GRIP2: variants seen among roughly 807,000 people sequenced by gnomAD.
The protein encoded by GRIP2 is glutamate receptor-interacting protein 2.
GRIP2 carries 58 observed loss-of-function variants against 108.3 expected under a neutral mutation model. The ratio of observed to expected loss-of-function variants is 0.54; its 90% CI spans 0.43 to 0.67. The LOEUF is 0.67. Ranked by LOEUF, GRIP2 falls within the 30% of genes least tolerant of loss-of-function variation. GRIP2 has a pLI of 0.00. For synonymous variants in GRIP2, 586 were observed against 598.2 expected, an observed-to-expected ratio of 0.98 and a Z score of 0.30; for missense variants, 1,278 against 1,430.6, an observed-to-expected ratio of 0.89 and a Z score of 1.72.
At chr3:14,595,792 C>A in the GRIP2 span, among the ~76,000 whole-genome samples, 1 of 152,260 alleles carries the variant, frequency 6.6e-6, no homozygotes, top group Non-Finnish European at 1.5e-5. Flanking sequence ...GCTTCAGCAT[C>A]CTCGTGGTGG....
rs756054378 is a variant in GRIP2, at chr3:14,493,770, G to A, written c.3027C>T (p.Ala1009=). 1.1e-5 allele frequency: 17 copies of A among 1,612,938 alleles called. No homozygotes were observed. Among genetic ancestry groups the A allele is most frequent in the East Asian group, 2.2e-5 (1 of 44,852 alleles). ...TCAGCTCCAAGACATCACCCGCCTC[G>A]GCCAGGAGTGGCACCGCCAGGCAGC... is the stretch of plus-strand genomic sequence containing the variant. ...FDCCLAVPLL[A]EAGDVLELII... is the part of the protein sequence containing the mutation. The change falls in exon 24 of 24, where the codon GCC becomes GCT. Residue 1009 remains alanine, a synonymous_variant. Transcript: ENST00000621039.
the GRIP2 span, among the ~76,000 whole-genome samples, chr3:14,596,458 T>C: frequency 1.3e-5 from 2 of 152,246 alleles, no homozygotes; most frequent in African/African-American, 4.8e-5. Context: ...CAGAAACCCA[T>C]AAGGCCCACA....
chr3:14,550,630 G>C (rs1232857506), intron 1 of GRIP2, among the ~76,000 whole-genome samples: 1 of 152,202 alleles, frequency 6.6e-6, no homozygotes, highest in Admixed American at 6.5e-5. Flanking sequence ...GCATAAAATG[G>C]GAGTATATGT....
At chr3:14,518,011 G>T in intron 9 of GRIP2, 114 bp from the exon 10 acceptor site, 1 of 1,267,964 alleles carries the variant, frequency 7.9e-7, no homozygotes, top group Non-Finnish European at 1.1e-6. Flanking sequence ...AGCCAGGCAA[G>T]GCATTTAGTA....
Position 14,540,259 on chromosome 3 carries a change from C to G in GRIP2, c.40+10G>C. ...CCCATCACTCTGCCCACAGACCCCC[C>G]ATTACGTACCCGCCTCTCCAGGGGT... On this transcript the variant is annotated intron_variant, in intron 1 of 23. Coordinates refer to ENST00000621039, the MANE Select transcript of GRIP2 (RefSeq NM_001080423.4). The surrounding 1 kb of genome is among the most constrained non-coding windows in gnomAD (Gnocchi z 4.1). The G allele has an allele frequency of 6.2e-7, 1 of 1,613,476 alleles. No homozygotes were observed. The highest frequency in any genetic ancestry group is 1.7e-4 in the Middle Eastern group (1 of 6,058).
At chr3:14,536,960 A>G (rs1337156361) in intron 1 of GRIP2, among the ~76,000 whole-genome samples, 1 of 152,174 alleles carries the variant, frequency 6.6e-6, no homozygotes, top group Admixed American at 6.5e-5. Flanking sequence ...CTTAATCCTC[A>G]TAACCACACT....
chr3:14,554,469 C>A (rs183956429), intron 1 of GRIP2, among the ~76,000 whole-genome samples: 2 of 152,064 alleles, frequency 1.3e-5, no homozygotes, highest in African/African-American at 4.8e-5. Flanking sequence ...GTGTCTCCTG[C>A]GGGGGTGGTC....
Position 14,523,022 on chromosome 3 carries a change from G to A in GRIP2, c.544C>T (p.Arg182Trp), listed in dbSNP as rs774133342. The change falls in exon 6 of 24, where the codon CGG becomes TGG. Residue 182 changes from arginine to tryptophan, a missense_variant. Coordinates refer to ENST00000621039, the MANE Select transcript of GRIP2 (RefSeq NM_001080423.4). ...CACCTGTCGGCAGGGCCACCGGGCC[G>A]CACGTAGGTCAGGACAAGCGGGCGG... Reference protein sequence around the residue: ...KSRPLVLTYVRPGGPADREGS... With the variant: ...KSRPLVLTYVWPGGPADREGS... The A allele has an allele frequency of 2.5e-6, 4 of 1,613,598 alleles. No homozygotes were observed. The highest frequency in any genetic ancestry group is 1.7e-5 in the Admixed American group (1 of 60,004).
At chr3:14,570,290 T>C in the GRIP2 span, among the ~76,000 whole-genome samples, 4 of 152,338 alleles carry the variant, frequency 2.6e-5, no homozygotes, top group African/African-American at 9.6e-5. Flanking sequence ...TGACCCCAGA[T>C]CAGCATCTTG....
chr3:14,525,733 A>C, intron 2 of GRIP2, 118 bp downstream of exon 2: 7 of 1,308,862 alleles, frequency 5.3e-6, no homozygotes, highest in South Asian at 1.3e-5. Flanking sequence ...AGAGAGGTTA[A>C]GTGGCTGGTC....
At chr3:14,518,912 C>T (rs1463737941) in intron 9 of GRIP2, among the ~76,000 whole-genome samples, 1 of 152,202 alleles carries the variant, frequency 6.6e-6, no homozygotes, top group Non-Finnish European at 1.5e-5. Context: ...AATAATATAA[C>T]ATGCTTAGAG....
chr3:14,592,028 A>G, the GRIP2 span, among the ~76,000 whole-genome samples: 4 of 152,224 alleles, frequency 2.6e-5, no homozygotes, highest in Non-Finnish European at 5.9e-5. Flanking sequence ...CATAGCAGGT[A>G]CCCAAAAAAG....
intron 23 of GRIP2, 84 bp downstream of exon 23, chr3:14,494,759 C>T (rs957946337): frequency 6.8e-7 from 1 of 1,468,540 alleles, no homozygotes; most frequent in Non-Finnish European, 9.1e-7. Context: ...GCCCTCTTCA[C>T]AGGCGATAGA....
rs1199132511 is a variant in GRIP2, at chr3:14,521,402, C to G, written c.712+240G>C. 7 of 507,164 alleles carry G rather than the reference C, an allele frequency of 1.4e-5. No homozygotes were observed. Among genetic ancestry groups the G allele is most frequent in the African/African-American group, 1.2e-4 (6 of 50,652 alleles). 31.4% of individuals were successfully genotyped at this position (507,164 alleles called of 1,614,324 possible). On this transcript the variant is annotated intron_variant, in intron 7 of 23. Transcript: ENST00000621039. This position sits in a 1 kb window ranked among gnomAD's most constrained non-coding sequence, Gnocchi z 5.1. ...TCTTATCTATTCTGGATACTGTCCTCTCTCCACCAGAATGCCAGCTCCATG... is the reference window on the plus strand; with the variant it reads ...TCTTATCTATTCTGGATACTGTCCTGTCTCCACCAGAATGCCAGCTCCATG...
intron 1 of GRIP2, among the ~76,000 whole-genome samples, chr3:14,531,769 C>A (rs1694716029): frequency 6.6e-6 from 1 of 152,192 alleles, no homozygotes; most frequent in Admixed American, 6.5e-5. Flanking sequence ...CGTTTTCTAC[C>A]CTGTGCTTGA....
chr3:14,539,769 G>A (rs1694916734), intron 1 of GRIP2, among the ~76,000 whole-genome samples: 1 of 152,040 alleles, frequency 6.6e-6, no homozygotes, highest in African/African-American at 2.4e-5. Flanking sequence ...GAGCCCCAGG[G>A]GCTCACCAGT....
At position 14,494,965 on chromosome 3, in the gene GRIP2, G is replaced by A. The variant is rs1489641967; in HGVS notation, c.2848C>T (p.Arg950Trp). ...GAGACGCTGAAACCAAAGTCATGCC[G>A]CATGGGGTCCTTGTGCAGGGTCACC... ...HKVTLHKDPM[R>W]HDFGFSVSDG... is the part of the protein sequence containing the mutation. The change falls in exon 23 of 24, where the codon CGG becomes TGG. Residue 950 changes from arginine to tryptophan, a missense_variant. Coordinates refer to ENST00000621039, the MANE Select transcript of GRIP2 (RefSeq NM_001080423.4). 45 of 1,613,766 alleles carry A rather than the reference G, an allele frequency of 2.8e-5. No homozygotes were observed. The highest frequency in any genetic ancestry group is 3.5e-5 in the Non-Finnish European group (41 of 1,179,830).
At chr3:14,565,249 G>A in the GRIP2 span, among the ~76,000 whole-genome samples, 131 of 152,300 alleles carry the variant, frequency 8.6e-4, no homozygotes, top group Non-Finnish European at 1.6e-3. Context: ...TTACATGAGG[G>A]GTTCTTGTCC....
chr3:14,548,041 AGAG>A (rs1468707570), intron 1 of GRIP2, among the ~76,000 whole-genome samples: 1 of 152,208 alleles, frequency 6.6e-6, no homozygotes, highest in African/African-American at 2.4e-5. Flanking sequence ...AGGGATGGTC[AGAG>A]GAGGAGTCCA....
Sources: allele counts gnomAD v4.1 joint callset (sites outside exome capture counted in the v4.1 genomes callset), GRCh38; gene constraint gnomAD v4.1.1; non-coding constraint Gnocchi (gnomAD v3.1); transcripts MANE v1.5; gene names NCBI Gene and HGNC (gene_info 2026-07-23, HGNC 2026-07-21).